Variants in NKAIN2 observed in about 807,000 individuals in gnomAD.
NKAIN2 encodes sodium/potassium transporting ATPase interacting 2.
In NKAIN2, 14 loss-of-function variants were observed where a neutral mutation model predicts 32.6. The observed-to-expected ratio is 0.43, with a 90% CI of 0.28 to 0.67. The LOEUF (loss-of-function observed/expected upper bound fraction) is 0.67, where lower values mean the gene tolerates loss of function less well. NKAIN2 is among the 30% of genes least tolerant of loss of function. The pLI, the probability that NKAIN2 is intolerant of heterozygous loss-of-function variation, is 0.17. For missense variants in NKAIN2, 198 were observed against 258.3 expected, an observed-to-expected ratio of 0.77 and a Z score of 1.60; for synonymous variants, 80 against 87.2, an observed-to-expected ratio of 0.92 and a Z score of 0.46.
intron 3 of NKAIN2, among the ~76,000 whole-genome samples, chr6:124,618,334 T>C (rs1782984341): frequency 1.3e-5 from 2 of 152,038 alleles, no homozygotes; most frequent in African/African-American, 4.8e-5. Flanking sequence ...AGAAATTAGC[T>C]GGGCATGGTG....
At chr6:124,178,505 G>A (rs1313688243) in intron 1 of NKAIN2, among the ~76,000 whole-genome samples, 1 of 152,022 alleles carries the variant, frequency 6.6e-6, no homozygotes, top group Non-Finnish European at 1.5e-5. Context: ...CACCGTGTTA[G>A]CCAGGATGGT....
intron 1 of NKAIN2, among the ~76,000 whole-genome samples, chr6:124,190,923 A>G (rs567355762): frequency 6.6e-6 from 1 of 152,122 alleles, no homozygotes; most frequent in Non-Finnish European, 1.5e-5. Flanking sequence ...GATTTCCCAT[A>G]TACTCTTTTT....
At chr6:124,037,465 G>C (rs1003830048) in intron 1 of NKAIN2, among the ~76,000 whole-genome samples, 9 of 152,090 alleles carry the variant, frequency 5.9e-5, no homozygotes, top group African/African-American at 2.2e-4. Context: ...TTTTCTGTCA[G>C]AGTCTTCAGT....
intron 3 of NKAIN2, among the ~76,000 whole-genome samples, chr6:124,461,310 GATAC>G (rs1342656642): frequency 6.6e-6 from 1 of 151,610 alleles, no homozygotes; most frequent in African/African-American, 2.4e-5. Context: ...TGTGTGTGTA[GATAC>G]ATGCGTGTGC....
intron 1 of NKAIN2, among the ~76,000 whole-genome samples, chr6:124,233,852 C>T (rs1028743198): frequency 3.9e-5 from 6 of 152,158 alleles, no homozygotes; most frequent in Admixed American, 2.0e-4. Flanking sequence ...GATCACTATA[C>T]TATACGAACA....
At chr6:124,361,457 G>T (rs1799284535) in intron 3 of NKAIN2, among the ~76,000 whole-genome samples, 1 of 151,816 alleles carries the variant, frequency 6.6e-6, no homozygotes, top group Admixed American at 6.6e-5. Context: ...ATAAACCAAG[G>T]GATTATTGTA....
At chr6:124,035,837 G>T (rs940873449) in intron 1 of NKAIN2, among the ~76,000 whole-genome samples, 2 of 152,102 alleles carry the variant, frequency 1.3e-5, no homozygotes, top group Non-Finnish European at 2.9e-5. Flanking sequence ...CCTTAGTACT[G>T]CTTATGAGTT....
rs144393824 is a variant in NKAIN2 at position 124,123,036 on chromosome 6, T to C, written c.55-159969T>C. On this transcript the variant is annotated intron_variant, in intron 1 of 6. Transcript: ENST00000368417. ...ATTTTTCCTGTGATTTTAATCTCTATTGTGATAAGTGTTAGGCATCACATT... is the reference window on the plus strand; with the variant it reads ...ATTTTTCCTGTGATTTTAATCTCTACTGTGATAAGTGTTAGGCATCACATT... 6.6e-4 allele frequency among the ~76,000 whole-genome samples: 101 copies of C among 152,288 alleles called. 1 individual carries two copies. In the East Asian group the frequency reaches 0.017, roughly 26 times the overall value.
chr6:124,647,495 T>TAAAAAAAA (rs1185007372), intron 3 of NKAIN2, among the ~76,000 whole-genome samples: 1 of 14,162 alleles, frequency 7.1e-5, no homozygotes, highest in Non-Finnish European at 1.9e-4. Context: ...CGAGACTCTG[T>TAAAAAAAA]CAAAAAAAAA....
intron 1 of NKAIN2, among the ~76,000 whole-genome samples, chr6:124,188,470 A>G (rs978472980): frequency 6.6e-6 from 1 of 152,204 alleles, no homozygotes; most frequent in Non-Finnish European, 1.5e-5. Context: ...TTAACTGCTT[A>G]TGGACTTTAA....
intron 1 of NKAIN2, among the ~76,000 whole-genome samples, chr6:124,218,031 G>A (rs532640576): frequency 9.6e-4 from 145 of 151,378 alleles, no homozygotes; most frequent in Middle Eastern, 3.4e-3. Flanking sequence ...CAGTTCCAGA[G>A]TAACAAAAGG....
chr6:124,227,399 G>A (rs547975897), intron 1 of NKAIN2, among the ~76,000 whole-genome samples: 1 of 152,214 alleles, frequency 6.6e-6, no homozygotes, highest in East Asian at 1.9e-4. Context: ...ATTGAAGTTG[G>A]CATTTACACT....
chr6:123,938,679 A>G (rs951338355), intron 1 of NKAIN2, among the ~76,000 whole-genome samples: 1 of 148,212 alleles, frequency 6.7e-6, no homozygotes, highest in Non-Finnish European at 1.5e-5. Context: ...AATGGCCTGC[A>G]TTTATTGACT....
intron 1 of NKAIN2, among the ~76,000 whole-genome samples, chr6:124,198,829 G>A (rs914148128): frequency 7.9e-5 from 12 of 152,032 alleles, no homozygotes; most frequent in Admixed American, 5.9e-4. Context: ...AGGGACTCAC[G>A]CTTCTTTGTA....
intron 1 of NKAIN2, among the ~76,000 whole-genome samples, chr6:124,014,437 G>T (rs1780475554): frequency 6.6e-6 from 1 of 151,580 alleles, no homozygotes. Flanking sequence ...ACAAGTTGTT[G>T]TTTTTTTCAT....
chr6:124,406,503 T>C (rs62436301), intron 3 of NKAIN2, among the ~76,000 whole-genome samples: 6,780 of 152,248 alleles, frequency 0.045, 253 homozygotes, highest in Non-Finnish European at 0.065. Flanking sequence ...TTGTTGAAAG[T>C]ATATGTCCAT....
intron 2 of NKAIN2, among the ~76,000 whole-genome samples, chr6:124,343,805 T>A (rs1798264173): frequency 6.7e-6 from 1 of 149,152 alleles, no homozygotes; most frequent in Non-Finnish European, 1.5e-5. Flanking sequence ...GATGGTAGTT[T>A]CTTTTGCTGT....
chr6:124,725,835 G>A (rs1249669623), intron 4 of NKAIN2, among the ~76,000 whole-genome samples: 1 of 152,214 alleles, frequency 6.6e-6, no homozygotes, highest in African/African-American at 2.4e-5. Flanking sequence ...AGTGGGCGCA[G>A]GTCAGTGGGT....
rs192243534 is a variant in NKAIN2 at position 124,509,149 on chromosome 6, C to T, written c.274-149037C>T. Among the ~76,000 whole-genome samples the T allele has an allele frequency of 1.2e-4, 18 of 152,260 alleles. 1 individual carries two copies. The South Asian group carries it at 1.5e-3, about 12-fold the overall frequency. On this transcript the variant is annotated intron_variant, in intron 3 of 6. Transcript: ENST00000368417. ...AAGTAGTGTGGGATGGAATTCCAAT[C>T]GCTGCCTTCCCAACAAGTAATAAGT...
Sources: gnomAD v4.1 joint callset for allele counts (sites outside exome capture counted in the v4.1 genomes callset) on GRCh38, gnomAD v4.1.1 for gene constraint, MANE v1.5 for transcripts, NCBI Gene and HGNC (gene_info 2026-07-23, HGNC 2026-07-21) for gene names.